Variants in MIA3 observed in about 807,000 individuals in gnomAD.
MIA3 encodes MIA SH3 domain ER export factor 3.
Under a neutral mutation model 192.4 loss-of-function variants are expected in MIA3, and 90 were observed. The ratio of observed to expected loss-of-function variants is 0.47; its 90% confidence interval spans 0.39 to 0.56. The LOEUF (loss-of-function observed/expected upper bound fraction) is 0.56, where lower values mean the gene tolerates loss of function less well. Among genes scored for constraint, MIA3 ranks in the 20% least tolerant of loss-of-function variants. The pLI, the probability that MIA3 is intolerant of heterozygous loss-of-function variation, is 0.00. For synonymous variants in MIA3, 740 were observed against 792.8 expected, an observed-to-expected ratio of 0.93 and a Z score of 1.12; for missense variants, 2,123 against 2,269.4, an observed-to-expected ratio of 0.94 and a Z score of 1.31.
intron 3 of MIA3, among the ~76,000 whole-genome samples, chr1:222,625,346 A>C (rs189951810): frequency 1.3e-5 from 2 of 152,206 alleles, no homozygotes; most frequent in Non-Finnish European, 2.9e-5. Context: ...TTGCTGCTTT[A>C]TATGTGAAAA....
At chr1:222,652,663 G>T (rs1663504731) in intron 13 of MIA3, among the ~76,000 whole-genome samples, 1 of 152,204 alleles carries the variant, frequency 6.6e-6, no homozygotes, top group Admixed American at 6.5e-5. Context: ...CCTCCTTTGA[G>T]TAGTTACTGC....
At position 222,664,233 on chromosome 1, in the gene MIA3, G is replaced by A. The variant is rs1051028680; in HGVS notation, c.5413+85G>A. The A allele has an allele frequency of 1.7e-5, 25 of 1,439,790 alleles. No homozygotes were observed. The East Asian group carries it at 3.6e-4, about 21-fold the overall frequency. 89.2% of individuals were successfully genotyped at this position (1,439,790 alleles called of 1,614,324 possible). A position where few individuals can be genotyped will look rare whatever the true frequency, so the allele number is the denominator to read the frequency against. On this transcript the variant is annotated intron_variant, in intron 27 of 27. Transcript: ENST00000344922. ...CCCTTGCTAAAACAACTGCAATTGC[G>A]GGGCTTTGCAATGCAGCAGTGAAGC...
In MIA3 at chr1:222,630,319, C is replaced by T; in HGVS notation, c.3099C>T (p.Ser1033=). The change falls in exon 4 of 28, where the codon TCC becomes TCT. Residue 1033 remains serine, a synonymous_variant. Transcript: ENST00000344922. ...TCTATTTTGTCAGGTACAAGCACTCCACAGCAGAGGAGACAGCCACACTGG... is the reference window on the plus strand; with the variant it reads ...TCTATTTTGTCAGGTACAAGCACTCTACAGCAGAGGAGACAGCCACACTGG... ...DLIYFVRYKH[S]TAEETATLVM... The T allele has an allele frequency of 6.2e-7, 1 of 1,614,178 alleles. No individual in the cohort carries two copies. The highest frequency in any genetic ancestry group is 8.5e-7 in the Non-Finnish European group (1 of 1,180,012).
chr1:222,634,282 C>T (rs1662536585), intron 6 of MIA3, among the ~76,000 whole-genome samples: 2 of 151,960 alleles, frequency 1.3e-5, no homozygotes, highest in Admixed American at 6.6e-5. Context: ...GATCGTGCCA[C>T]TGCATTCCAG....
intron 18 of MIA3, among the ~76,000 whole-genome samples, chr1:222,657,353 G>C (rs773467367): frequency 2.6e-5 from 4 of 152,140 alleles, no homozygotes; most frequent in African/African-American, 4.8e-5. Flanking sequence ...TCCGCTTCTT[G>C]TTTCTCTCAA....
intron 6 of MIA3, among the ~76,000 whole-genome samples, chr1:222,633,619 GGA>G (rs1297088554): frequency 6.6e-6 from 1 of 152,162 alleles, no homozygotes; most frequent in East Asian, 1.9e-4. Context: ...CATCGTGGAG[GGA>G]GAGTGATAGG....
At chr1:222,626,821 T>C (rs1341476676) in intron 3 of MIA3, among the ~76,000 whole-genome samples, 1 of 152,158 alleles carries the variant, frequency 6.6e-6, no homozygotes, top group Non-Finnish European at 1.5e-5. Context: ...CCAAGGAAAA[T>C]ATGAGCCCCA....
In MIA3 at chr1:222,664,152, A is replaced by G. The variant is rs770498413; in HGVS notation, c.5413+4A>G. On this transcript the variant is annotated splice_donor_region_variant and intron_variant, in intron 27 of 27. Transcript: ENST00000344922. ...CGGCCACTTCCTCCACCCTTTGGTA[A>G]GATGATCTGAACAGTAGTAATTGAC... The G allele has an allele frequency of 3.1e-6, 5 of 1,614,078 alleles. No individual in the cohort carries two copies. The Admixed American group carries it at 8.3e-5, about 27-fold the overall frequency.
At chr1:222,619,524 G>A (rs1222914601) in intron 1 of MIA3, among the ~76,000 whole-genome samples, 1 of 152,226 alleles carries the variant, frequency 6.6e-6, no homozygotes, top group African/African-American at 2.4e-5. Flanking sequence ...CCCTGTGGTT[G>A]ATGTAAATAA....
intron 3 of MIA3, among the ~76,000 whole-genome samples, chr1:222,626,747 C>T (rs566020273): frequency 6.6e-6 from 1 of 152,294 alleles, no homozygotes; most frequent in East Asian, 1.9e-4. Flanking sequence ...TGTTCTCTTA[C>T]ATTTTTATAT....
chr1:222,620,358 C>T (rs10495197), intron 1 of MIA3, among the ~76,000 whole-genome samples: 21,772 of 152,192 alleles, frequency 0.14, 2,569 homozygotes, highest in African/African-American at 0.33. Context: ...AATTACTGAC[C>T]TATTCTCATA....
chr1:222,636,520 T>C (rs866757873), intron 6 of MIA3, among the ~76,000 whole-genome samples: 49 of 146,314 alleles, frequency 3.3e-4, no homozygotes, highest in African/African-American at 1.1e-3. Context: ...TTTTTTTTTT[T>C]TTTTTTTTTT....
In MIA3 at chr1:222,628,557, T is replaced by C. The variant is rs1386974384; in HGVS notation, c.1337T>C (p.Ile446Thr). The change falls in exon 4 of 28, where the codon ATT (isoleucine) becomes ACT (threonine). Residue 446 changes from isoleucine to threonine, a missense_variant. Coordinates refer to ENST00000344922, the MANE Select transcript of MIA3 (RefSeq NM_198551.4). ...DPDNVDDGLF[I>T]VDIPKTNNDK... ...GACAATGTAGATGATGGTCTTTTTA[T>C]TGTAGACATTCCTAAAACAAATAAT... 2 of 1,614,190 alleles carry C rather than the reference T, an allele frequency of 1.2e-6. No homozygotes were observed. The highest frequency in any genetic ancestry group is 2.7e-5 in the African/African-American group (2 of 75,040).
rs1260637388 is a variant in MIA3, at chr1:222,667,066, TC to T, written c.*1448del. On this transcript the variant is annotated 3_prime_UTR_variant, in exon 28 of 28. Transcript: ENST00000344922. ...GTCTTGTCACTGTTGTGATATTTAA[TC>T]GATTAAGAATACCTTGTAAAAAGGA... is the stretch of plus-strand genomic sequence containing the variant. 3.3e-5 allele frequency: 5 copies of T among 152,330 alleles called. No individual in the cohort carries two copies. In the South Asian group the frequency reaches 1.0e-3, roughly 32 times the overall value. The allele number at this position is 152,330 out of a possible 1,614,324, so 9.4% of individuals were successfully genotyped here.
rs759802892 is a variant in MIA3, at chr1:222,628,821, A to G, written c.1601A>G (p.His534Arg). ...AATGACCTAAAAGGAGCAGCTATTC[A>G]TATCTCAAAAGGAATGCTCCACGAA... is the stretch of plus-strand genomic sequence containing the variant. ...TENDLKGAAI[H>R]ISKGMLHEEK... Residue 534 changes from histidine (H) to arginine (R), a missense_variant, in exon 4 of 28, where the codon CAT becomes CGT. This residue lies in a region of MIA3 where 1,357 missense variants were observed against 1,396.1 expected (regional missense o/e 0.97). Transcript: ENST00000344922. The G allele has an allele frequency of 5.0e-6, 8 of 1,614,078 alleles. No homozygotes were observed. The Admixed American group carries it at 1.3e-4, about 27-fold the overall frequency.
At chr1:222,650,258 T>A in intron 8 of MIA3, 34 bp from the exon 9 acceptor site, 1 of 1,208,330 alleles carries the variant, frequency 8.3e-7, no homozygotes, top group Non-Finnish European at 1.2e-6. Flanking sequence ...CATTTAGTGA[T>A]CATAATAACC....
At chr1:222,622,196 C>T (rs974400625) in intron 2 of MIA3, among the ~76,000 whole-genome samples, 1 of 152,100 alleles carries the variant, frequency 6.6e-6, no homozygotes, top group African/African-American at 2.4e-5. Context: ...GATTGATTCC[C>T]AGCTGATTTT....
chr1:222,619,811 A>C (rs989743829), intron 1 of MIA3, among the ~76,000 whole-genome samples: 3 of 152,240 alleles, frequency 2.0e-5, no homozygotes, highest in Non-Finnish European at 4.4e-5. Context: ...AATAGGCATC[A>C]ACAGGAGCAA....
At chr1:222,664,816 A>G (rs1224421593) in intron 27 of MIA3, 4 of 284,584 alleles carry the variant, frequency 1.4e-5, no homozygotes, top group South Asian at 9.9e-5. Flanking sequence ...CAATGAAGCC[A>G]TATTTAGTCT....
Sources: allele counts gnomAD v4.1 joint callset (sites outside exome capture counted in the v4.1 genomes callset), GRCh38; gene constraint gnomAD v4.1.1; regional missense constraint gnomAD v4.1.1; transcripts MANE v1.5; gene names NCBI Gene and HGNC (gene_info 2026-07-23, HGNC 2026-07-21).